SASH1: variants seen among roughly 807,000 people sequenced by gnomAD.
The protein encoded by SASH1 is SAM and SH3 domain-containing protein 1.
Under a neutral mutation model 125.2 loss-of-function variants are expected in SASH1, and 44 were observed. The observed-to-expected ratio is 0.35, with a 90% confidence interval of 0.28 to 0.45. The LOEUF (loss-of-function observed/expected upper bound fraction) is 0.45, where lower values mean the gene tolerates loss of function less well. SASH1 is among the 20% of genes least tolerant of loss of function. SASH1 has a pLI of 1.00. For synonymous variants in SASH1, 639 were observed against 649.1 expected, an observed-to-expected ratio of 0.98 and a Z score of 0.24; for missense variants, 1,426 against 1,614.5, an observed-to-expected ratio of 0.88 and a Z score of 2.00.
intron 2 of SASH1, among the ~76,000 whole-genome samples, chr6:148,407,700 T>G (rs1372532305): frequency 2.0e-5 from 3 of 152,184 alleles, no homozygotes; most frequent in African/African-American, 7.2e-5. Context: ...TGGCGCAGTC[T>G]CGGCTCACTG....
the SASH1 span, among the ~76,000 whole-genome samples, chr6:148,217,114 T>C: frequency 2.6e-5 from 4 of 152,160 alleles, no homozygotes; most frequent in Non-Finnish European, 4.4e-5. Context: ...AATGAAATCC[T>C]GGGCTATAAA....
intron 8 of SASH1, among the ~76,000 whole-genome samples, chr6:148,505,945 A>T (rs575068954): frequency 2.0e-5 from 3 of 149,342 alleles, no homozygotes; most frequent in Admixed American, 6.7e-5. Context: ...TAATTTCTGT[A>T]TTTTTAGTAG....
upstream of SASH1, among the ~76,000 whole-genome samples, chr6:148,272,102 A>G (rs183397956): frequency 2.0e-5 from 3 of 152,252 alleles, no homozygotes; most frequent in East Asian, 5.8e-4. Flanking sequence ...TTTGTGTCAT[A>G]GTTATTGTGT....
At chr6:148,492,431 G>A (rs997709178) in intron 8 of SASH1, among the ~76,000 whole-genome samples, 1 of 152,154 alleles carries the variant, frequency 6.6e-6, no homozygotes, top group Admixed American at 6.5e-5. Flanking sequence ...TTGCTATATA[G>A]CAGGCATTGT....
chr6:148,497,432 A>G (rs1345275618), intron 8 of SASH1, among the ~76,000 whole-genome samples: 1 of 152,244 alleles, frequency 6.6e-6, no homozygotes, highest in Non-Finnish European at 1.5e-5. Context: ...CCTGGAAACC[A>G]GGCCTTCACC....
At chr6:148,311,362 C>T (rs1406379598) in intron 1 of SASH1, among the ~76,000 whole-genome samples, 1 of 152,102 alleles carries the variant, frequency 6.6e-6, no homozygotes, top group African/African-American at 2.4e-5. Context: ...GCCTTGGCCT[C>T]CCAAAGTGCT....
intron 1 of SASH1, among the ~76,000 whole-genome samples, chr6:148,331,375 G>A (rs1359982866): frequency 6.6e-6 from 1 of 152,132 alleles, no homozygotes; most frequent in East Asian, 1.9e-4. Context: ...TGTCACCCAG[G>A]CTGGGGTGCA....
the SASH1 span, among the ~76,000 whole-genome samples, chr6:148,264,858 G>A: frequency 6.6e-6 from 1 of 152,300 alleles, no homozygotes. Flanking sequence ...CACAGCTATT[G>A]TTTTACTAAT....
chr6:148,384,847 A>G (rs920374193), intron 1 of SASH1, among the ~76,000 whole-genome samples: 10 of 152,218 alleles, frequency 6.6e-5, no homozygotes, highest in African/African-American at 2.2e-4. Context: ...AAACATATCC[A>G]TCATTCCCAG....
At chr6:148,367,929 C>A (rs545760849) in intron 1 of SASH1, among the ~76,000 whole-genome samples, 59 of 152,156 alleles carry the variant, frequency 3.9e-4, no homozygotes, top group Admixed American at 7.9e-4. Context: ...CGGGGTCTAC[C>A]GCAAGCCCAG....
At chr6:148,318,943 T>A (rs1399049377) in intron 1 of SASH1, among the ~76,000 whole-genome samples, 1 of 152,094 alleles carries the variant, frequency 6.6e-6, no homozygotes, top group Non-Finnish European at 1.5e-5. Flanking sequence ...TCTGTAGATA[T>A]TATTCCTTCA....
At chr6:148,297,703 AC>A (rs1779801847) in intron 1 of SASH1, among the ~76,000 whole-genome samples, 1 of 151,982 alleles carries the variant, frequency 6.6e-6, no homozygotes, top group African/African-American at 2.4e-5. Context: ...GGCAGCGTGC[AC>A]CTGTAGTCTC....
At position 148,548,761 on chromosome 6, in the gene SASH1, G is replaced by T. The variant is rs1782720079; in HGVS notation, c.*203G>T. ...CCCCTCGAGGAAATAAATTAGTGCG[G>T]TTCTCTTTGACCCCCAAAGACAAGA... On this transcript the variant is annotated 3_prime_UTR_variant, in exon 20 of 20. Transcript: ENST00000367467. The T allele has an allele frequency of 1.9e-6, 1 of 529,546 alleles. No individual in the cohort carries two copies. Among genetic ancestry groups the T allele is most frequent in the African/African-American group, 1.9e-5 (1 of 52,452 alleles). 32.8% of individuals were successfully genotyped at this position (529,546 alleles called of 1,614,324 possible).
chr6:148,480,379 T>A (rs1175426015), intron 7 of SASH1: 1 of 151,272 alleles, frequency 6.6e-6, no homozygotes, highest in Non-Finnish European at 1.5e-5. Context: ...ACAGAGAAAG[T>A]TAAGACTTAG....
At chr6:148,518,924 G>A (rs1780631263) in intron 9 of SASH1, among the ~76,000 whole-genome samples, 1 of 152,200 alleles carries the variant, frequency 6.6e-6, no homozygotes, top group Admixed American at 6.5e-5. Flanking sequence ...CTGAGTTGAT[G>A]GGAGTATCTG....
intron 2 of SASH1, among the ~76,000 whole-genome samples, chr6:148,425,128 G>A (rs1451683239): frequency 6.6e-6 from 1 of 152,148 alleles, no homozygotes; most frequent in Non-Finnish European, 1.5e-5. Flanking sequence ...GAAGCTTCAG[G>A]CATGGAGTCC....
Position 148,302,556 on chromosome 6 carries a change from T to C in SASH1, n.74+30179T>C, listed in dbSNP as rs1193076886. ...CTTCATGCTGCTTTATTCTCAAACGTATATAAAATATCTCCATGCTGCAGA... is the reference window on the plus strand; with the variant it reads ...CTTCATGCTGCTTTATTCTCAAACGCATATAAAATATCTCCATGCTGCAGA... On this transcript the variant is annotated intron_variant and non_coding_transcript_variant, in intron 1 of 3. Coordinates refer to the SASH1 transcript ENST00000367469. Among the ~76,000 whole-genome samples the C allele has an allele frequency of 2.0e-5, 3 of 150,440 alleles. No homozygotes were observed. The East Asian group carries it at 5.9e-4, about 29-fold the overall frequency.
chr6:148,492,784 G>A (rs9373564), intron 8 of SASH1, among the ~76,000 whole-genome samples: 10,336 of 151,858 alleles, frequency 0.068, 892 homozygotes, highest in East Asian at 0.45. Flanking sequence ...TCACAGGACT[G>A]CACTCCAGCC....
intron 1 of SASH1, among the ~76,000 whole-genome samples, chr6:148,289,107 A>G (rs1326136088): frequency 6.6e-6 from 1 of 152,036 alleles, no homozygotes; most frequent in Non-Finnish European, 1.5e-5. Flanking sequence ...CAGCCTCCCG[A>G]GTAGCTGGAA....
Sources: gnomAD v4.1 joint callset for allele counts (sites outside exome capture counted in the v4.1 genomes callset) on GRCh38, gnomAD v4.1.1 for gene constraint, MANE v1.5 for transcripts, NCBI Gene and HGNC (gene_info 2026-07-23, HGNC 2026-07-21) for gene names.